KCNG2: variants seen among roughly 807,000 people sequenced by gnomAD.
KCNG2 encodes the protein voltage-gated potassium channel regulatory subunit KCNG2.
A neutral mutation model predicts 12.3 loss-of-function variants in KCNG2; 7 were observed. The ratio of observed to expected loss-of-function variants is 0.57; its 90% CI spans 0.32 to 1.07. KCNG2 has a LOEUF of 1.07. Among genes scored for constraint, KCNG2 ranks in the 50% least tolerant of loss-of-function variants. KCNG2 has a pLI of 0.04. For missense variants in KCNG2, 703 were observed against 726.0 expected (o/e 0.97, Z 0.36); for synonymous variants, 414 against 351.4 (o/e 1.18, Z -1.99).
rs1252375544 is a variant in KCNG2, at chr18:79,899,736, G to A, written c.1321G>A (p.Glu441Lys). Residue 441 changes from glutamate to lysine, a missense_variant, in exon 4 of 4, where the codon GAG (glutamate) becomes AAG (lysine). Physicochemically the swap from Glu to Lys is moderately conservative, Grantham distance 56. Coordinates refer to ENST00000316249, the MANE Select transcript of KCNG2 (RefSeq NM_012283.2). ...CAGCACGCACTCGGCCACAGCCACC[G>A]AGGACAGCTCGCAGGGCCCCGACAG... ...EDSTHSATAT[E>K]DSSQGPDSAG... 12 of 1,595,566 alleles carry A rather than the reference G, an allele frequency of 7.5e-6. No homozygotes were observed. The highest frequency in any genetic ancestry group is 1.1e-5 in the South Asian group (1 of 89,016).
Position 79,899,035 on chromosome 18 carries a change from C to T in KCNG2, c.625-5C>T, listed in dbSNP as rs750616499. ...CCCCCAACCCCGTGTCCCCTCTCCCCGCAGGGCGAGTGCTCCCCCAAGTGC... is the reference window on the plus strand; with the variant it reads ...CCCCCAACCCCGTGTCCCCTCTCCCTGCAGGGCGAGTGCTCCCCCAAGTGC... On this transcript the variant is annotated splice_region_variant and splice_polypyrimidine_tract_variant and intron_variant, in intron 3 of 3. Coordinates refer to ENST00000316249, the MANE Select transcript of KCNG2 (RefSeq NM_012283.2). 3.2e-6 allele frequency: 5 copies of T among 1,543,952 alleles called. No homozygotes were observed. The highest frequency in any genetic ancestry group is 2.4e-5 in the East Asian group (1 of 42,120).
chr18:79,865,271 T>C (rs930261103), intron 3 of KCNG2, among the ~76,000 whole-genome samples: 3 of 97,270 alleles, frequency 3.1e-5, no homozygotes, highest in South Asian at 3.6e-4. Flanking sequence ...GGTGCTGAGG[T>C]CTGTGTGCTG....
chr18:79,894,209 A>G (rs11665359), intron 3 of KCNG2, among the ~76,000 whole-genome samples: 14 of 142,360 alleles, frequency 9.8e-5, no homozygotes, highest in East Asian at 8.6e-4. Flanking sequence ...CTTTTGATTG[A>G]GTTCTTCACT....
At chr18:79,828,589 A>G (rs933401399) in intron 1 of KCNG2, among the ~76,000 whole-genome samples, 20 of 149,734 alleles carry the variant, frequency 1.3e-4, no homozygotes, top group African/African-American at 3.7e-4. Flanking sequence ...ATGTGTCTGC[A>G]TGTGGGTGTG....
chr18:79,876,941 C>T (rs534610581), intron 3 of KCNG2, among the ~76,000 whole-genome samples: 6 of 152,298 alleles, frequency 3.9e-5, no homozygotes, highest in East Asian at 3.9e-4. Context: ...GAAGCTGTGC[C>T]GATTTTCTCC....
Position 79,815,758 on chromosome 18 carries a change from G to A in KCNG2, c.-115+17744G>A, listed in dbSNP as rs574266453. On this transcript the variant is annotated intron_variant, in intron 1 of 3. Coordinates refer to ENST00000316249, the MANE Select transcript of KCNG2 (RefSeq NM_012283.2). ...GGGGTCTGAGGAAGCCCTTCAGCGT[G>A]AGTGTCCTGTCCCCTGTCCCCTGCT... Among the ~76,000 whole-genome samples, 8 of 152,354 alleles carry A rather than the reference G, an allele frequency of 5.3e-5. 1 individual carries two copies. The highest frequency in any genetic ancestry group is 1.9e-4 in the African/African-American group (8 of 41,590).
At chr18:79,868,048 A>G (rs1360759215) in intron 3 of KCNG2, among the ~76,000 whole-genome samples, 1 of 152,178 alleles carries the variant, frequency 6.6e-6, no homozygotes, top group African/African-American at 2.4e-5. Context: ...CCAGGTCCTG[A>G]TCGTGCTTCC....
At chr18:79,851,767 CTGTGAATGCG>C (rs756546473) in intron 1 of KCNG2, among the ~76,000 whole-genome samples, 1 of 151,410 alleles carries the variant, frequency 6.6e-6, no homozygotes, top group Non-Finnish European at 1.5e-5. Flanking sequence ...GTGTGTGTGA[CTGTGAATGCG>C]TGTGTGAATG....
At chr18:79,864,618 C>A (rs1247642450) in intron 3 of KCNG2, among the ~76,000 whole-genome samples, 1 of 152,230 alleles carries the variant, frequency 6.6e-6, no homozygotes, top group East Asian at 1.9e-4. Context: ...GTTTGGACAA[C>A]GTGGAGCTAA....
At chr18:79,818,191 C>T (rs11663602) in intron 1 of KCNG2, among the ~76,000 whole-genome samples, 1 of 152,054 alleles carries the variant, frequency 6.6e-6, no homozygotes, top group Non-Finnish European at 1.5e-5. Flanking sequence ...AGAGGCAATG[C>T]GATCTAATAA....
intron 1 of KCNG2, among the ~76,000 whole-genome samples, chr18:79,844,890 A>G (rs1056796668): frequency 6.6e-6 from 1 of 152,250 alleles, no homozygotes; most frequent in Non-Finnish European, 1.5e-5. Context: ...AAGGGGGAAA[A>G]GGATAAATTG....
At position 79,899,440 on chromosome 18, in the gene KCNG2, T is replaced by A. The variant is rs1184067485; in HGVS notation, c.1025T>A (p.Leu342Gln). ...AMALFAPLVHLAERELGARRD... is the reference protein window; with the variant it reads ...AMALFAPLVHQAERELGARRD... ...GCGCTCTTCGCGCCACTGGTGCACC[T>A]GGCCGAGCGCGAGCTGGGCGCGCGC... is the stretch of plus-strand genomic sequence containing the variant. The change falls in exon 4 of 4, where the codon CTG (leucine) becomes CAG (glutamine). Residue 342 changes from leucine to glutamine, a missense_variant. Transcript: ENST00000316249. The A allele has an allele frequency of 6.3e-7, 1 of 1,596,094 alleles. No homozygotes were observed.
chr18:79,845,793 G>C (rs374860615), intron 1 of KCNG2, among the ~76,000 whole-genome samples: 2 of 152,296 alleles, frequency 1.3e-5, no homozygotes, highest in Middle Eastern at 3.4e-3. Context: ...TTGGCATATA[G>C]AAAATAAAAG....
At chr18:79,859,797 C>T (rs1362730321) in intron 2 of KCNG2, among the ~76,000 whole-genome samples, 1 of 152,158 alleles carries the variant, frequency 6.6e-6, no homozygotes, top group Non-Finnish European at 1.5e-5. Context: ...GGGTTCATTT[C>T]TGGACTTTCA....
intron 3 of KCNG2, among the ~76,000 whole-genome samples, chr18:79,883,982 G>A (rs529787626): frequency 6.6e-6 from 1 of 152,188 alleles, no homozygotes; most frequent in African/African-American, 2.4e-5. Context: ...GTGCCTGGGT[G>A]GGGACCGTCC....
chr18:79,821,453 C>T (rs4798917), intron 1 of KCNG2, among the ~76,000 whole-genome samples: 1 of 152,068 alleles, frequency 6.6e-6, no homozygotes, highest in Non-Finnish European at 1.5e-5. Context: ...CCACACCCAG[C>T]TAATTTATGT....
chr18:79,811,494 T>G (rs542458409), intron 1 of KCNG2, among the ~76,000 whole-genome samples: 17 of 152,320 alleles, frequency 1.1e-4, no homozygotes, highest in African/African-American at 4.1e-4. Flanking sequence ...CTTCAGCAGA[T>G]GGTGCTGGGA....
At chr18:79,864,601 C>T (rs1202157231) in intron 3 of KCNG2, among the ~76,000 whole-genome samples, 3 of 152,266 alleles carry the variant, frequency 2.0e-5, no homozygotes, top group Non-Finnish European at 2.9e-5. Context: ...CCCATCAGGC[C>T]TTCAAAGTTT....
Position 79,830,705 on chromosome 18 carries a change from C to CAGGAGGGTTCCCTGCAGACAGAGCCTTT in KCNG2, c.-114-25674_-114-25673insAGGAGGGTTCCCTGCAGACAGAGCCTTT, listed in dbSNP as rs1978293195. Reference sequence around the variant, plus strand: ...GAGGGTTCCCTGCAGACAGAGCCTTCGTCAGGAGGGTTCCCTGCAGACAGA... The same window carrying CAGGAGGGTTCCCTGCAGACAGAGCCTTT: ...GAGGGTTCCCTGCAGACAGAGCCTTCAGGAGGGTTCCCTGCAGACAGAGCCTTTGTCAGGAGGGTTCCCTGCAGACAGA... On this transcript the variant is annotated intron_variant, in intron 1 of 3. Transcript: ENST00000316249. 4.8e-5 allele frequency among the ~76,000 whole-genome samples: 6 copies of CAGGAGGGTTCCCTGCAGACAGAGCCTTT among 124,760 alleles called. No individual in the cohort carries two copies. The South Asian group carries it at 8.1e-4, about 17-fold the overall frequency. 81.8% of individuals were successfully genotyped at this position (124,760 alleles called of 152,430 possible).
Sources: allele counts gnomAD v4.1 joint callset (sites outside exome capture counted in the v4.1 genomes callset), GRCh38; gene constraint gnomAD v4.1.1; transcripts MANE v1.5; gene names NCBI Gene and HGNC (gene_info 2026-07-23, HGNC 2026-07-21).